Variants in DMBT1 observed in about 807,000 individuals in gnomAD.
DMBT1 encodes the protein deleted in malignant brain tumors 1.
In DMBT1, 198 loss-of-function variants were observed where a neutral mutation model predicts 252.9. The ratio of observed to expected loss-of-function variants is 0.78; its 90% CI spans 0.70 to 0.88. The LOEUF (loss-of-function observed/expected upper bound fraction) is 0.88. Ranked by LOEUF, DMBT1 falls within the 40% of genes least tolerant of loss-of-function variation. The pLI, the probability that DMBT1 is intolerant of heterozygous loss-of-function variation, is 0.00. For missense variants in DMBT1, 2,432 were observed against 2,404.7 expected (o/e 1.01, Z -0.24); for synonymous variants, 990 against 942.7 (o/e 1.05, Z -0.92).
intron 2 of DMBT1, among the ~76,000 whole-genome samples, chr10:122,568,478 A>C (rs988803336): frequency 3.9e-5 from 6 of 152,148 alleles, no homozygotes; most frequent in Non-Finnish European, 5.9e-5. Context: ...TCCTGCTGGG[A>C]GAAAGATTGT....
chr10:122,620,101 C>T lies in DMBT1; in HGVS notation c.5246-152C>T, dbSNP rs747883672. On this transcript the variant is annotated intron_variant, in intron 42 of 55. Transcript: ENST00000338354. ...CAAGGCCTTTGTTCCTGGCTGTGCT[C>T]ACTGAGCTGAAGACTTGGGTAGCAC... Among the ~76,000 whole-genome samples the T allele has an allele frequency of 9.2e-5, 14 of 152,316 alleles. No homozygotes were observed. The South Asian group carries it at 2.1e-3, about 23-fold the overall frequency.
chr10:122,626,158 G>A (rs1323786791), intron 46 of DMBT1, among the ~76,000 whole-genome samples, 193 bp downstream of exon 46: 1 of 152,104 alleles, frequency 6.6e-6, no homozygotes, highest in African/African-American at 2.4e-5. Flanking sequence ...AGACTTAAAG[G>A]CTTTTATTTT....
rs775458403 is a variant in DMBT1 at position 122,621,145 on chromosome 10, A to G, written c.5373A>G (p.Gly1791=). 3.1e-6 allele frequency: 5 copies of G among 1,613,710 alleles called. No homozygotes were observed. In the South Asian group the frequency reaches 5.5e-5, roughly 18 times the overall value. ...RVEVLYRGSW[G]TVCDDSWDTN... ...AGGTCCTGTATCGAGGCTCCTGGGG[A>G]ACCGTGTGTGATGACAGCTGGGACA... Residue 1791 remains glycine (G), a synonymous_variant, in exon 44 of 56, where the codon GGA becomes GGG. Transcript: ENST00000338354.
At chr10:122,600,713 G>C (rs927522883) in intron 27 of DMBT1, among the ~76,000 whole-genome samples, 8 of 152,186 alleles carry the variant, frequency 5.3e-5, no homozygotes, top group Non-Finnish European at 1.0e-4. Context: ...GTCAGTCCAT[G>C]CATCAGCAGA....
intron 54 of DMBT1, among the ~76,000 whole-genome samples, chr10:122,638,221 G>A (rs1257657668): frequency 6.6e-6 from 1 of 152,134 alleles, no homozygotes; most frequent in Non-Finnish European, 1.5e-5. Context: ...CACTGAAGGT[G>A]ACCATTGTTC....
At chr10:122,642,689 A>G (rs1844783548) in intron 55 of DMBT1, among the ~76,000 whole-genome samples, 1 of 152,016 alleles carries the variant, frequency 6.6e-6, no homozygotes. Flanking sequence ...GCCGAATGAG[A>G]CCTTGCCTGG....
intron 55 of DMBT1, among the ~76,000 whole-genome samples, chr10:122,642,918 G>A (rs1479571583): frequency 1.3e-5 from 2 of 152,150 alleles, no homozygotes; most frequent in Non-Finnish European, 2.9e-5. Context: ...GCCTAAGGAT[G>A]GCGGTGAGGT....
Position 122,621,108 on chromosome 10 carries a change from G to A in DMBT1, c.5336G>A (p.Arg1779Gln), listed in dbSNP as rs754623524. The A allele has an allele frequency of 1.9e-5, 30 of 1,613,562 alleles. No homozygotes were observed. Among genetic ancestry groups the A allele is most frequent in the African/African-American group, 8.0e-5 (6 of 74,918 alleles). The change falls in exon 44 of 56, where the codon CGA becomes CAA. Residue 1779 changes from arginine to glutamine, a missense_variant. Coordinates refer to ENST00000338354, the MANE Select transcript of DMBT1 (RefSeq NM_001377530.1). Reference protein sequence around the residue: ...LRLVNGGDRCRGRVEVLYRGS... With the variant: ...LRLVNGGDRCQGRVEVLYRGS... Reference sequence around the variant, plus strand: ...CTGGTGAATGGAGGTGACAGGTGTCGAGGCCGAGTGGAGGTCCTGTATCGA... The same window carrying A: ...CTGGTGAATGGAGGTGACAGGTGTCAAGGCCGAGTGGAGGTCCTGTATCGA...
At chr10:122,599,968 T>C (rs1004008587) in intron 26 of DMBT1, 96 bp from the exon 27 acceptor site, 16 of 1,505,766 alleles carry the variant, frequency 1.1e-5, no homozygotes, top group Non-Finnish European at 1.5e-5. Flanking sequence ...TAGGATGGAC[T>C]GAGTGTCAGA....
intron 6 of DMBT1, among the ~76,000 whole-genome samples, chr10:122,574,161 C>T (rs2097691241): frequency 6.6e-6 from 1 of 152,218 alleles, no homozygotes; most frequent in Non-Finnish European, 1.5e-5. Context: ...AGGACAGCAT[C>T]CTTGCCCTTG....
In DMBT1 at chr10:122,577,801, T is replaced by C; in HGVS notation, c.608-10T>C. 6.2e-7 allele frequency: 1 copy of C among 1,613,684 alleles called. No individual in the cohort carries two copies. The highest frequency in any genetic ancestry group is 1.7e-4 in the Middle Eastern group (1 of 6,046). On this transcript the variant is annotated splice_polypyrimidine_tract_variant and intron_variant, in intron 7 of 55. Coordinates refer to ENST00000338354, the MANE Select transcript of DMBT1 (RefSeq NM_001377530.1). ...GTTTGGTGTCTAATGTTGCTATTTT[T>C]TTCTCACAGCTGCCCAGCCTCAGTC...
At position 122,629,966 on chromosome 10, in the gene DMBT1, G is replaced by A. The variant is rs376854088; in HGVS notation, c.5795G>A (p.Arg1932His). 5.3e-5 allele frequency: 85 copies of A among 1,613,842 alleles called. No homozygotes were observed. In the African/African-American group the frequency reaches 8.0e-4, roughly 15 times the overall value. ...VWEIEVNSGY[R>H]INLGFSNLKL... is the part of the protein sequence containing the mutation. ...GAAATAGAAGTGAATTCTGGTTATC[G>A]CATAAACCTGGGCTTCAGTAATCTG... Residue 1932 changes from arginine to histidine, a missense_variant, in exon 47 of 56, where the codon CGC (arginine) becomes CAC (histidine). Around this residue, in one of 3 missense-constraint regions of DMBT1, gnomAD observed 1,162 missense variants for 1,169.0 expected, o/e 0.99. Transcript: ENST00000338354.
At chr10:122,635,459 G>C (rs1341419229) in intron 52 of DMBT1, among the ~76,000 whole-genome samples, 2 of 152,200 alleles carry the variant, frequency 1.3e-5, no homozygotes, top group Non-Finnish European at 2.9e-5. Context: ...TGATTGCAAA[G>C]GGCAGGACTA....
At chr10:122,620,034 A>G (rs2098047277) in intron 42 of DMBT1, among the ~76,000 whole-genome samples, 2 of 152,212 alleles carry the variant, frequency 1.3e-5, no homozygotes, top group South Asian at 4.1e-4. Context: ...AGAAGAGGAC[A>G]TCTCACACTT....
intron 52 of DMBT1, among the ~76,000 whole-genome samples, chr10:122,635,103 TTAA>T (rs2098215696): frequency 6.6e-6 from 1 of 152,226 alleles, no homozygotes; most frequent in African/African-American, 2.4e-5. Context: ...GACTGGTTCT[TTAA>T]CCAGCATCTT....
At chr10:122,600,852 G>A in intron 27 of DMBT1, 139 bp from the exon 28 acceptor site, 2 of 1,014,872 alleles carry the variant, frequency 2.0e-6, no homozygotes, top group Non-Finnish European at 3.1e-6. Context: ...GAGGAGACCT[G>A]GGAAGACACA....
chr10:122,563,485 T>C (rs2097565224), intron 1 of DMBT1, among the ~76,000 whole-genome samples: 1 of 151,898 alleles, frequency 6.6e-6, no homozygotes, highest in Non-Finnish European at 1.5e-5. Context: ...GTACCAGTGT[T>C]TGTTAGCATG....
chr10:122,618,305 G>C lies in DMBT1; in HGVS notation c.5180G>C (p.Cys1727Ser). Residue 1727 changes from cysteine (C) to serine (S), a missense_variant, in exon 41 of 56, where the codon TGT (cysteine) becomes TCT (serine). Transcript: ENST00000338354. ...CACAATGGCTGGCTCTCCCACAACT[G>C]TGGCCATCATGAAGATGCTGGTGTC... ...CPHNGWLSHN[C>S]GHHEDAGVIC... 6.2e-7 allele frequency: 1 copy of C among 1,613,844 alleles called. No individual in the cohort carries two copies. The highest frequency in any genetic ancestry group is 1.1e-5 in the South Asian group (1 of 91,078).
At position 122,621,398 on chromosome 10, in the gene DMBT1, G is replaced by T; in HGVS notation, c.5608+18G>T. The T allele has an allele frequency of 1.2e-6, 2 of 1,613,780 alleles. No homozygotes were observed. The highest frequency in any genetic ancestry group is 1.7e-4 in the Middle Eastern group (1 of 6,056). ...CTGCTCAGGTGGGCCTTCAAGACCT[G>T]GGGCTCCCTCTCTTGGGGTGGAGTT... On this transcript the variant is annotated intron_variant, in intron 44 of 55. Transcript: ENST00000338354.
Sources: gnomAD v4.1 joint callset for allele counts (sites outside exome capture counted in the v4.1 genomes callset) on GRCh38, gnomAD v4.1.1 for gene constraint, gnomAD v4.1.1 regional missense constraint, MANE v1.5 for transcripts, NCBI Gene and HGNC (gene_info 2026-07-23, HGNC 2026-07-21) for gene names.